The following SEMA5A variants were observed in gnomAD, a reference collection of about 807,000 sequenced individuals.
SEMA5A encodes semaphorin 5A.
SEMA5A carries 55 observed loss-of-function variants against 135.5 expected under a neutral mutation model. The ratio of observed to expected loss-of-function variants is 0.41; its 90% CI spans 0.33 to 0.51. SEMA5A has a LOEUF of 0.51. Among genes scored for constraint, SEMA5A ranks in the 20% least tolerant of loss-of-function variants. SEMA5A has a pLI of 0.37. For missense variants in SEMA5A, 1,290 were observed against 1,419.9 expected, an observed-to-expected ratio of 0.91 and a Z score of 1.47; for synonymous variants, 580 against 546.5, an observed-to-expected ratio of 1.06 and a Z score of -0.85.
chr5:9,184,960 C>T (rs545628456), intron 11 of SEMA5A, among the ~76,000 whole-genome samples: 16 of 152,238 alleles, frequency 1.1e-4, no homozygotes, highest in Non-Finnish European at 2.2e-4. Flanking sequence ...CAGCATCTTA[C>T]TCTGCTTCCC....
chr5:9,128,892 C>G (rs1178376011), intron 13 of SEMA5A, among the ~76,000 whole-genome samples: 1 of 152,096 alleles, frequency 6.6e-6, no homozygotes, highest in African/African-American at 2.4e-5. Flanking sequence ...TAGTGACACC[C>G]CTGGCCTCCA....
intron 1 of SEMA5A, among the ~76,000 whole-genome samples, chr5:9,528,645 T>C (rs1229477126): frequency 2.0e-5 from 3 of 152,162 alleles, no homozygotes; most frequent in Non-Finnish European, 2.9e-5. Flanking sequence ...AGAGAGGCCA[T>C]GTGGCAGGAT....
chr5:9,136,938 A>G (rs1035862294), intron 12 of SEMA5A, among the ~76,000 whole-genome samples: 1 of 152,216 alleles, frequency 6.6e-6, no homozygotes, highest in African/African-American at 2.4e-5. Flanking sequence ...ATGTTCAAAA[A>G]CAATATAGCT....
chr5:9,136,271 A>G (rs1451997693), intron 13 of SEMA5A, among the ~76,000 whole-genome samples: 1 of 152,184 alleles, frequency 6.6e-6, no homozygotes, highest in Non-Finnish European at 1.5e-5. Flanking sequence ...TCAAATCAAC[A>G]CAGTTTTCTG....
chr5:9,468,674 A>G (rs1310276607), intron 1 of SEMA5A, among the ~76,000 whole-genome samples: 4 of 152,112 alleles, frequency 2.6e-5, no homozygotes, highest in Non-Finnish European at 5.9e-5. Context: ...ATCTGATTTA[A>G]ATGGCTACAT....
At chr5:9,347,292 G>T (rs528354118) in intron 3 of SEMA5A, among the ~76,000 whole-genome samples, 3 of 152,284 alleles carry the variant, frequency 2.0e-5, no homozygotes, top group African/African-American at 7.2e-5. Flanking sequence ...TGATTTTGTT[G>T]CATTAACACA....
chr5:9,225,866 G>C (rs1747281127), intron 7 of SEMA5A, among the ~76,000 whole-genome samples: 1 of 152,148 alleles, frequency 6.6e-6, no homozygotes. Flanking sequence ...GTTCTCGCCT[G>C]AGAGGTATTG....
intron 15 of SEMA5A, among the ~76,000 whole-genome samples, chr5:9,113,954 A>G (rs1044352058): frequency 2.9e-4 from 44 of 152,360 alleles, no homozygotes; most frequent in African/African-American, 1.1e-3. Context: ...GATATACAGT[A>G]TACACAAAAA....
chr5:9,343,954 T>C (rs2150734327), intron 3 of SEMA5A, among the ~76,000 whole-genome samples: 1 of 152,312 alleles, frequency 6.6e-6, no homozygotes, highest in South Asian at 2.1e-4. Flanking sequence ...TTTTCAGTGA[T>C]TATCATAGCT....
intron 5 of SEMA5A, among the ~76,000 whole-genome samples, chr5:9,255,186 G>C (rs1463685413): frequency 6.6e-6 from 1 of 152,166 alleles, no homozygotes; most frequent in Non-Finnish European, 1.5e-5. Context: ...CTTTGCTTGG[G>C]AACAAAGGAG....
intron 1 of SEMA5A, among the ~76,000 whole-genome samples, chr5:9,532,852 T>C (rs1737532481): frequency 6.6e-6 from 1 of 152,162 alleles, no homozygotes; most frequent in East Asian, 1.9e-4. Flanking sequence ...ATCTCAGCTG[T>C]TCTCCTTTAT....
intron 21 of SEMA5A, among the ~76,000 whole-genome samples, chr5:9,049,859 G>T (rs1474440497): frequency 6.6e-6 from 1 of 152,106 alleles, no homozygotes; most frequent in African/African-American, 2.4e-5. Context: ...TGACATTCAG[G>T]GTGGCAGGAG....
chr5:9,235,010 T>C (rs1747824423), intron 6 of SEMA5A, among the ~76,000 whole-genome samples: 1 of 152,172 alleles, frequency 6.6e-6, no homozygotes, highest in African/African-American at 2.4e-5. Flanking sequence ...AGGCAAAACG[T>C]GGGCTAGTTC....
At chr5:9,115,217 CT>C in intron 15 of SEMA5A, among the ~76,000 whole-genome samples, 1 of 152,306 alleles carries the variant, frequency 6.6e-6, no homozygotes, top group Admixed American at 6.5e-5. Flanking sequence ...GCTGGAAACC[CT>C]GCACATTCTA....
intron 12 of SEMA5A, among the ~76,000 whole-genome samples, chr5:9,140,818 A>G (rs1742028687): frequency 6.6e-6 from 1 of 152,220 alleles, no homozygotes; most frequent in South Asian, 2.1e-4. Context: ...TTAAAGCAAC[A>G]TGACCAGTAG....
intron 5 of SEMA5A, among the ~76,000 whole-genome samples, chr5:9,305,028 T>C (rs1428904486): frequency 1.3e-5 from 2 of 152,150 alleles, no homozygotes; most frequent in Non-Finnish European, 2.9e-5. Flanking sequence ...AACTGTATCA[T>C]CTACTCCAAC....
In SEMA5A at chr5:9,379,836, G is replaced by C. The variant is rs1755517834; in HGVS notation, c.111C>G (p.Val37=). 9 of 1,613,826 alleles carry C rather than the reference G, an allele frequency of 5.6e-6. No homozygotes were observed. Among genetic ancestry groups the C allele is most frequent in the Admixed American group, 1.7e-5 (1 of 59,972 alleles). ...TTQCQRTEHP[V]ISYKEIGPWL... The stretch of plus-strand genomic sequence containing the variant: ...CTGGTTCCTTACCTTTATAGGAGAT[G>C]ACTGGATGCTCGGTTCTCTGGCACT... The change falls in exon 3 of 23, where the codon GTC becomes GTG. Residue 37 remains valine, a synonymous_variant. Coordinates refer to ENST00000382496, the MANE Select transcript of SEMA5A (RefSeq NM_003966.3).
At chr5:9,116,338 CA>C (rs1740511687) in intron 15 of SEMA5A, among the ~76,000 whole-genome samples, 1 of 152,222 alleles carries the variant, frequency 6.6e-6, no homozygotes, top group Non-Finnish European at 1.5e-5. Flanking sequence ...ATAATATTTG[CA>C]GACGTCCATT....
At chr5:9,253,722 T>C (rs1329748229) in intron 5 of SEMA5A, among the ~76,000 whole-genome samples, 5 of 152,194 alleles carry the variant, frequency 3.3e-5, no homozygotes, top group Non-Finnish European at 7.4e-5. Context: ...CTAGTCCAAA[T>C]GTGGTACAAA....
Sources: allele counts gnomAD v4.1 joint callset (sites outside exome capture counted in the v4.1 genomes callset), GRCh38; gene constraint gnomAD v4.1.1; transcripts MANE v1.5; gene names NCBI Gene and HGNC (gene_info 2026-07-23, HGNC 2026-07-21).